Variants in GATB observed in about 807,000 individuals in gnomAD.
GATB encodes glutamyl-tRNA(Gln) amidotransferase subunit B, mitochondrial.
GATB carries 39 observed loss-of-function variants against 62.3 expected under a neutral mutation model. The ratio of observed to expected loss-of-function variants is 0.63; its 90% CI spans 0.48 to 0.82. The LOEUF (loss-of-function observed/expected upper bound fraction) is 0.82, where lower values mean the gene tolerates loss of function less well. Ranked by LOEUF, GATB falls within the 40% of genes least tolerant of loss-of-function variation. The pLI is 0.00. For synonymous variants in GATB, 276 were observed against 258.9 expected, an observed-to-expected ratio of 1.07 and a Z score of -0.63; for missense variants, 670 against 684.0, an observed-to-expected ratio of 0.98 and a Z score of 0.23.
At chr4:151,709,921 C>T (rs991811162) in intron 5 of GATB, among the ~76,000 whole-genome samples, 4 of 152,080 alleles carry the variant, frequency 2.6e-5, no homozygotes, top group East Asian at 3.9e-4. Flanking sequence ...CTGCTCATTC[C>T]GGGAGAAAGC....
intron 2 of GATB, among the ~76,000 whole-genome samples, chr4:151,753,587 A>G (rs1355928074): frequency 2.0e-5 from 3 of 152,144 alleles, no homozygotes; most frequent in Non-Finnish European, 2.9e-5. Context: ...ATTAAAATGC[A>G]TGTGTTCAGT....
At chr4:151,709,272 C>A (rs1051113961) in intron 5 of GATB, among the ~76,000 whole-genome samples, 2 of 152,140 alleles carry the variant, frequency 1.3e-5, no homozygotes, top group Admixed American at 6.5e-5. Flanking sequence ...AGGTCGCCGG[C>A]GGCCCGTGGC....
At chr4:151,699,020 T>C (rs930433194) in intron 9 of GATB, among the ~76,000 whole-genome samples, 12 of 151,998 alleles carry the variant, frequency 7.9e-5, no homozygotes, top group Non-Finnish European at 1.6e-4. Context: ...GTATAAATTC[T>C]TGGAAGGCAA....
At chr4:151,722,903 A>G (rs955264849) in intron 2 of GATB, 1 of 152,242 alleles carries the variant, frequency 6.6e-6, no homozygotes, top group Non-Finnish European at 1.5e-5. Context: ...CTAAGGTGTT[A>G]CCTGCCACAT....
At chr4:151,700,924 C>T (rs1041264029) in intron 9 of GATB, among the ~76,000 whole-genome samples, 1 of 152,090 alleles carries the variant, frequency 6.6e-6, no homozygotes, top group African/African-American at 2.4e-5. Context: ...TTTGAGAACG[C>T]AACATCCTGC....
intron 11 of GATB, chr4:151,673,254 GC>G (rs143723057): frequency 0.12 from 20,611 of 169,476 alleles, 1,872 homozygotes; most frequent in African/African-American, 0.24. Flanking sequence ...ACTCCACATG[GC>G]GGGGGGGGGC....
In GATB at chr4:151,760,917, A is replaced by C. The variant is rs768194726; in HGVS notation, c.66T>G (p.Gly22=). ...GRRWAFARVD[G]GSCHRRGAPT... ...GAGCCCCTCTTCGGTGGCAAGAACC[A>C]CCGTCAACCCGGGCGAAAGCCCAAC... is the stretch of plus-strand genomic sequence containing the variant. The change falls in exon 1 of 13, where the codon GGT becomes GGG. Residue 22 remains glycine, a synonymous_variant. Coordinates refer to ENST00000263985, the MANE Select transcript of GATB (RefSeq NM_004564.3). The C allele has an allele frequency of 6.2e-7, 1 of 1,613,942 alleles. No homozygotes were observed. The highest frequency in any genetic ancestry group is 8.5e-7 in the Non-Finnish European group (1 of 1,179,958).
chr4:151,750,529 A>G lies in GATB; in HGVS notation c.327+8243T>C, dbSNP rs74907791. Among the ~76,000 whole-genome samples, 299 of 152,236 alleles carry G rather than the reference A, an allele frequency of 2.0e-3. 1 individual carries two copies. Among genetic ancestry groups the G allele is most frequent in the Non-Finnish European group, 3.2e-3 (218 of 68,030 alleles). ...GGACTCCTAAGACTTGGCCCATTCC[A>G]TTTCTGAGAGATAACTGAGATAAGT... On this transcript the variant is annotated intron_variant, in intron 2 of 12. Coordinates refer to ENST00000263985, the MANE Select transcript of GATB (RefSeq NM_004564.3).
chr4:151,687,664 G>A (rs997360095), intron 10 of GATB, among the ~76,000 whole-genome samples: 1 of 152,174 alleles, frequency 6.6e-6, no homozygotes, highest in East Asian at 1.9e-4. Context: ...ATGAGGTCTA[G>A]AAGAGGTCAC....
At position 151,695,856 on chromosome 4, in the gene GATB, C is replaced by T. The variant is rs369794229; in HGVS notation, c.1197+5473G>A. 1.6e-3 allele frequency among the ~76,000 whole-genome samples: 250 copies of T among 152,040 alleles called. 2 individuals are homozygous for T. The highest frequency in any genetic ancestry group is 9.8e-3 in the South Asian group (47 of 4,808). On this transcript the variant is annotated intron_variant, in intron 9 of 12. Transcript: ENST00000263985. Reference sequence around the variant, plus strand: ...CGCTACAGCCTTGAATTTCTGGGCTCGAGCAATTCTCCCACCTCAGCCTCC... The same window carrying T: ...CGCTACAGCCTTGAATTTCTGGGCTTGAGCAATTCTCCCACCTCAGCCTCC...
At chr4:151,740,513 T>A (rs1177739841) in intron 2 of GATB, among the ~76,000 whole-genome samples, 1 of 152,230 alleles carries the variant, frequency 6.6e-6, no homozygotes, top group Non-Finnish European at 1.5e-5. Context: ...GGCTATGACA[T>A]CACCAGGCCA....
intron 11 of GATB, chr4:151,675,732 T>G (rs1480794909): frequency 6.6e-6 from 1 of 152,230 alleles, no homozygotes; most frequent in Admixed American, 6.5e-5. Flanking sequence ...AACAAGGAAT[T>G]TCTAGCACAG....
chr4:151,700,663 C>T (rs901468075), intron 9 of GATB, among the ~76,000 whole-genome samples: 7 of 152,144 alleles, frequency 4.6e-5, no homozygotes, highest in Admixed American at 1.3e-4. Context: ...ACGACGACAA[C>T]GGTGACAAAA....
chr4:151,742,238 G>A (rs764279719), intron 2 of GATB, among the ~76,000 whole-genome samples: 10 of 152,184 alleles, frequency 6.6e-5, no homozygotes, highest in South Asian at 2.1e-4. Context: ...ACAGGCGCCC[G>A]CCATCGCACC....
intron 12 of GATB, 173 bp downstream of exon 12, chr4:151,672,589 C>A: frequency 1.6e-6 from 1 of 617,932 alleles, no homozygotes. Context: ...CCAATATCCA[C>A]CTATTTCATC....
At chr4:151,696,576 G>GTT (rs1390425852) in intron 9 of GATB, among the ~76,000 whole-genome samples, 1 of 152,206 alleles carries the variant, frequency 6.6e-6, no homozygotes, top group Non-Finnish European at 1.5e-5. Context: ...GCTTGGGGAA[G>GTT]TTATTGAACC....
At chr4:151,704,834 C>T (rs1182189133) in intron 7 of GATB, among the ~76,000 whole-genome samples, 4 of 151,902 alleles carry the variant, frequency 2.6e-5, no homozygotes, top group Non-Finnish European at 5.9e-5. Flanking sequence ...CTGCAAGCGC[C>T]GCCTCCCGGG....
At chr4:151,725,525 C>T (rs1739121028) in intron 2 of GATB, among the ~76,000 whole-genome samples, 1 of 152,186 alleles carries the variant, frequency 6.6e-6, no homozygotes, top group Admixed American at 6.5e-5. Flanking sequence ...TTGTGGACAC[C>T]CTTTTCACAT....
chr4:151,748,408 G>A (rs1197349665), intron 2 of GATB, among the ~76,000 whole-genome samples: 5 of 152,188 alleles, frequency 3.3e-5, no homozygotes, highest in South Asian at 2.1e-4. Context: ...ACAAGAAATC[G>A]GGAAAGGATT....
Sources: gnomAD v4.1 joint callset for allele counts (sites outside exome capture counted in the v4.1 genomes callset) on GRCh38, gnomAD v4.1.1 for gene constraint, MANE v1.5 for transcripts, NCBI Gene and HGNC (gene_info 2026-07-23, HGNC 2026-07-21) for gene names.